PSMD3: variants seen among roughly 807,000 people sequenced by gnomAD.
The protein encoded by PSMD3 is 26S proteasome non-ATPase regulatory subunit 3.
PSMD3 carries 5 observed loss-of-function variants against 62.8 expected under a neutral mutation model. The ratio of observed to expected loss-of-function variants is 0.08; its 90% CI spans 0.04 to 0.17. The LOEUF (loss-of-function observed/expected upper bound fraction) is 0.17, where lower values mean the gene tolerates loss of function less well. Ranked by LOEUF, PSMD3 falls within the 10% of genes least tolerant of loss-of-function variation. The pLI, the probability that PSMD3 is intolerant of heterozygous loss-of-function variation, is 1.00. For missense variants in PSMD3, 524 were observed against 713.6 expected (o/e 0.73, Z 3.03); for synonymous variants, 265 against 283.9 (o/e 0.93, Z 0.67).
At chr17:39,990,949 G>C in intron 6 of PSMD3, among the ~76,000 whole-genome samples, 2 of 152,228 alleles carry the variant, frequency 1.3e-5, no homozygotes, top group Admixed American at 1.3e-4. Context: ...GATAGGAAGG[G>C]AGGATAATAA....
intron 3 of PSMD3, among the ~76,000 whole-genome samples, chr17:39,987,744 T>C (rs1004558008): frequency 2.0e-5 from 3 of 150,886 alleles, no homozygotes; most frequent in Non-Finnish European, 4.4e-5. Flanking sequence ...CAGCCTCTCA[T>C]GTAGCTGGGA....
At position 39,997,795 on chromosome 17, in the gene PSMD3, C is replaced by A; in HGVS notation, c.*214C>A. 1 of 606,520 alleles carries A rather than the reference C, an allele frequency of 1.6e-6. No individual in the cohort carries two copies. The highest frequency in any genetic ancestry group is 2.9e-6 in the Non-Finnish European group (1 of 343,118). The allele number at this position is 606,520 out of a possible 1,614,324, so 37.6% of individuals were successfully genotyped here. A position where few individuals can be genotyped will look rare whatever the true frequency, so the allele number is the denominator to read the frequency against. ...TACAGCAGGCAGGAGGGTGGGCAGG[C>A]AACCTCCCCGGGCAGGGTCCTGGCC... On this transcript the variant is annotated 3_prime_UTR_variant, in exon 12 of 12. Coordinates refer to ENST00000264639, the MANE Select transcript of PSMD3 (RefSeq NM_002809.4).
chr17:39,981,208 G>C lies in PSMD3; in HGVS notation c.220+18G>C, dbSNP rs1367982837. ...CTTGGAGGGTACGGCAGCCCAGGCCGGGAACGTGCCGCGATCGCGGGTGAC... is the reference window on the plus strand; with the variant it reads ...CTTGGAGGGTACGGCAGCCCAGGCCCGGAACGTGCCGCGATCGCGGGTGAC... On this transcript the variant is annotated intron_variant, in intron 1 of 11. Transcript: ENST00000264639. 4 of 1,549,228 alleles carry C rather than the reference G, an allele frequency of 2.6e-6. No homozygotes were observed. The highest frequency in any genetic ancestry group is 3.5e-6 in the Non-Finnish European group (4 of 1,146,538).
Position 39,992,566 on chromosome 17 carries a change from C to T in PSMD3, c.981+2369C>T, listed in dbSNP as rs559431670. ...TCATCCTGTTCAAAGCGGAGGTCAGCTAGCATTCATTCCTGCAGCCACCTT... is the reference window on the plus strand; with the variant it reads ...TCATCCTGTTCAAAGCGGAGGTCAGTTAGCATTCATTCCTGCAGCCACCTT... On this transcript the variant is annotated intron_variant, in intron 6 of 11. Transcript: ENST00000264639. Among the ~76,000 whole-genome samples, 35 of 152,284 alleles carry T rather than the reference C, an allele frequency of 2.3e-4. No homozygotes were observed. In the South Asian group the frequency reaches 6.8e-3, roughly 30 times the overall value.
chr17:39,992,227 G>A (rs1598314260), intron 6 of PSMD3, among the ~76,000 whole-genome samples: 1 of 152,160 alleles, frequency 6.6e-6, no homozygotes, highest in East Asian at 1.9e-4. Flanking sequence ...CCATGAGAGA[G>A]GCTTTCAGGC....
intron 4 of PSMD3, among the ~76,000 whole-genome samples, chr17:39,989,214 T>A (rs996780013): frequency 2.0e-5 from 3 of 152,186 alleles, no homozygotes; most frequent in African/African-American, 7.2e-5. Context: ...CATTTTGACC[T>A]CCCAGACTTC....
rs937314204 is a variant in PSMD3 at position 39,997,601 on chromosome 17, G to A, written c.*20G>A. The A allele has an allele frequency of 1.5e-6, 2 of 1,368,530 alleles. No individual in the cohort carries two copies. The highest frequency in any genetic ancestry group is 2.1e-6 in the Non-Finnish European group (2 of 969,298). The allele number at this position is 1,368,530 out of a possible 1,614,324, so 84.8% of individuals were successfully genotyped here. A position where few individuals can be genotyped will look rare whatever the true frequency, so the allele number is the denominator to read the frequency against. On this transcript the variant is annotated 3_prime_UTR_variant, in exon 12 of 12. Coordinates refer to ENST00000264639, the MANE Select transcript of PSMD3 (RefSeq NM_002809.4). Reference sequence around the variant, plus strand: ...CCTTGAGCTGGGGGGCTGGGGAGGGGTAGGGGGAATGGGGACAGGCTCTTT... The same window carrying A: ...CCTTGAGCTGGGGGGCTGGGGAGGGATAGGGGGAATGGGGACAGGCTCTTT...
intron 2 of PSMD3, 132 bp downstream of exon 2, chr17:39,984,616 G>T: frequency 1.2e-6 from 1 of 809,654 alleles, no homozygotes; most frequent in East Asian, 2.7e-5. Flanking sequence ...CAGTCCATTT[G>T]AATACTCATC....
intron 1 of PSMD3, among the ~76,000 whole-genome samples, chr17:39,983,712 C>T (rs1418231307): frequency 6.6e-6 from 1 of 152,144 alleles, no homozygotes; most frequent in African/African-American, 2.4e-5. Flanking sequence ...ATCTGGACTC[C>T]AGGTTTCTGT....
intron 6 of PSMD3, among the ~76,000 whole-genome samples, chr17:39,991,677 T>G (rs1441510243): frequency 1.3e-5 from 2 of 152,200 alleles, no homozygotes; most frequent in African/African-American, 2.4e-5. Flanking sequence ...GAGATTCATT[T>G]TATTTCTGTT....
rs752661244 is a variant in PSMD3, at chr17:39,997,599, G to A, written c.*18G>A. 3.1e-6 allele frequency: 5 copies of A among 1,606,962 alleles called. No individual in the cohort carries two copies. In the African/African-American group the frequency reaches 5.4e-5, roughly 17 times the overall value. ...TCCCTTGAGCTGGGGGGCTGGGGAG[G>A]GGTAGGGGGAATGGGGACAGGCTCT... is the stretch of plus-strand genomic sequence containing the variant. On this transcript the variant is annotated 3_prime_UTR_variant, in exon 12 of 12. Transcript: ENST00000264639.
Position 39,990,126 on chromosome 17 carries a change from G to C in PSMD3, c.910G>C (p.Glu304Gln). Residue 304 changes from glutamate (E) to glutamine (Q), a missense_variant, in exon 6 of 12, where the codon GAG becomes CAG. Glu to Gln is a conservative substitution (Grantham distance 29). Transcript: ENST00000264639. ...RIKAIQLEYS[E>Q]ARRTMTNALR... ...CAAAGCCATCCAGCTGGAGTACTCA[G>C]AGGCCCGGAGAACGATGACCAACGC... is the stretch of plus-strand genomic sequence containing the variant. 6.2e-7 allele frequency: 1 copy of C among 1,614,002 alleles called. No homozygotes were observed. Among genetic ancestry groups the C allele is most frequent in the Non-Finnish European group, 8.5e-7 (1 of 1,179,992 alleles).
rs534998616 is a variant in PSMD3 at position 39,981,450 on chromosome 17, C to T, written c.220+260C>T. 2.6e-5 allele frequency among the ~76,000 whole-genome samples: 4 copies of T among 152,324 alleles called. No individual in the cohort carries two copies. In the South Asian group the frequency reaches 8.3e-4, roughly 32 times the overall value. On this transcript the variant is annotated intron_variant, in intron 1 of 11. Transcript: ENST00000264639. ...CATCTATATCTAGGTCCCAGTGGGC[C>T]TGGGGACTCCCTCTTTTAAGTCCTC...
At position 39,995,716 on chromosome 17, in the gene PSMD3, TGTGA is replaced by T; in HGVS notation, c.1320+193_1320+196del. On this transcript the variant is annotated intron_variant, in intron 9 of 11. Transcript: ENST00000264639. This position sits in a 1 kb window ranked among gnomAD's most constrained non-coding sequence, Gnocchi z 4.1. The stretch of plus-strand genomic sequence containing the variant: ...GAGAGCATGGATGTGCATGTGAGTG[TGTGA>T]GTGTAGGTGTGTGCACATGTTGAGT... 2 of 629,496 alleles carry T rather than the reference TGTGA, an allele frequency of 3.2e-6. No individual in the cohort carries two copies. Among genetic ancestry groups the T allele is most frequent in the South Asian group, 1.8e-5 (1 of 54,922 alleles). 39.0% of individuals were successfully genotyped at this position (629,496 alleles called of 1,614,324 possible).
At chr17:39,985,868 T>C (rs8068498) in intron 2 of PSMD3, among the ~76,000 whole-genome samples, 1 of 152,174 alleles carries the variant, frequency 6.6e-6, no homozygotes, top group Non-Finnish European at 1.5e-5. Context: ...CAAGAAACCA[T>C]TTTTTGGTCT....
chr17:39,988,471 C>T (rs1401847623), intron 3 of PSMD3, among the ~76,000 whole-genome samples: 2 of 152,194 alleles, frequency 1.3e-5, no homozygotes, highest in East Asian at 3.8e-4. Flanking sequence ...TTTTGTTTAT[C>T]TGTTCATCAG....
rs763033412 is a variant in PSMD3 at position 39,989,874 on chromosome 17, T to C, written c.822T>C (p.Ser274=). 1 of 1,614,192 alleles carries C rather than the reference T, an allele frequency of 6.2e-7. No individual in the cohort carries two copies. Among genetic ancestry groups the C allele is most frequent in the South Asian group, 1.1e-5 (1 of 91,082 alleles). The change falls in exon 5 of 12, where the codon TCT becomes TCC. Residue 274 remains serine, a synonymous_variant. Coordinates refer to ENST00000264639, the MANE Select transcript of PSMD3 (RefSeq NM_002809.4). ...YDQAEKLVSK[S]VFPEQANNNE... ...AGGCTGAGAAGCTGGTGTCCAAGTC[T>C]GTGTTCCCAGAGCAGGCCAACAACA...
rs768347141 is a variant in PSMD3 at position 39,996,209 on chromosome 17, C to G, written c.1347C>G (p.Ala449=). The part of the protein sequence containing the change: ...AKAIRDGVIE[A]SINHEKGYVQ... ...CCATCCGGGATGGTGTCATTGAGGC[C>G]AGCATCAACCACGAGAAGGGCTATG... is the stretch of plus-strand genomic sequence containing the variant. The change falls in exon 10 of 12, where the codon GCC becomes GCG. Residue 449 remains alanine (A), a synonymous_variant. Coordinates refer to ENST00000264639, the MANE Select transcript of PSMD3 (RefSeq NM_002809.4). The surrounding 1 kb of genome is among the most constrained non-coding windows in gnomAD (Gnocchi z 5.1). 3 of 1,614,016 alleles carry G rather than the reference C, an allele frequency of 1.9e-6. No individual in the cohort carries two copies. The South Asian group carries it at 3.3e-5, about 18-fold the overall frequency.
At chr17:39,992,214 G>A (rs1166773775) in intron 6 of PSMD3, among the ~76,000 whole-genome samples, 2 of 152,102 alleles carry the variant, frequency 1.3e-5, no homozygotes, top group Non-Finnish European at 2.9e-5. Context: ...AATGTGTCAT[G>A]TACCATGAGA....
Sources: gnomAD v4.1 joint callset for allele counts (sites outside exome capture counted in the v4.1 genomes callset) on GRCh38, gnomAD v4.1.1 for gene constraint, Gnocchi (gnomAD v3.1) non-coding constraint, MANE v1.5 for transcripts, NCBI Gene and HGNC (gene_info 2026-07-23, HGNC 2026-07-21) for gene names.